The following CTBP1 variants were observed in gnomAD, a reference collection of about 807,000 sequenced individuals.
The protein encoded by CTBP1 is C-terminal binding protein 1.
A neutral mutation model predicts 42.1 loss-of-function variants in CTBP1; 11 were observed. That is an observed-to-expected ratio of 0.26 (90% CI 0.16 to 0.43). CTBP1 has a LOEUF of 0.43. CTBP1 is among the 20% of genes least tolerant of loss of function. The pLI, the probability that CTBP1 is intolerant of heterozygous loss-of-function variation, is 1.00. For synonymous variants in CTBP1, 324 were observed against 277.1 expected (o/e 1.17, Z -1.68); for missense variants, 399 against 624.3 (o/e 0.64, Z 3.85).
chr4:1,249,784 C>G, upstream of CTBP1: 1 of 286,094 alleles, frequency 3.5e-6, no homozygotes, highest in South Asian at 2.4e-5. Flanking sequence ...TGGAGAACCC[C>G]TTCCCCGACC....
chr4:1,216,447 G>A, intron 5 of CTBP1: 1 of 591,314 alleles, frequency 1.7e-6, no homozygotes, highest in Non-Finnish European at 3.0e-6. Context: ...TAGCCCCTCG[G>A]CCCACACCAG....
intron 1 of CTBP1, 146 bp downstream of exon 1, chr4:1,248,770 C>A: frequency 1.1e-5 from 11 of 971,374 alleles, no homozygotes; most frequent in Non-Finnish European, 1.3e-5. Context: ...CGGCCACGCG[C>A]GGACGCCGGC....
intron 3 of CTBP1, among the ~76,000 whole-genome samples, chr4:1,232,547 A>G (rs972534106): frequency 6.6e-6 from 1 of 152,096 alleles, no homozygotes; most frequent in Non-Finnish European, 1.5e-5. Context: ...CCTGACCTCA[A>G]GTGATCCACC....
At position 1,213,016 on chromosome 4, in the gene CTBP1, T is replaced by C; in HGVS notation, c.1003A>G (p.Ser335Gly). Residue 335 changes from serine (S) to glycine (G), a missense_variant, in exon 9 of 10, where the codon AGC (serine) becomes GGC (glycine). Transcript: ENST00000382952. ...TCCTTGTTGACACAGTTCTTCAGGC[T>C]GTCTGGGATCCGGCCTGGGAGATGC... ...RRAITGRIPD[S>G]LKNCVNKDHL... 6.2e-7 allele frequency: 1 copy of C among 1,613,864 alleles called. No individual in the cohort carries two copies. Among genetic ancestry groups the C allele is most frequent in the Non-Finnish European group, 8.5e-7 (1 of 1,179,926 alleles).
At chr4:1,214,517 C>G in intron 6 of CTBP1, 44 bp from the exon 7 acceptor site, 20 of 1,518,938 alleles carry the variant, frequency 1.3e-5, no homozygotes, top group Non-Finnish European at 1.7e-5. Context: ...GGGATCCGCA[C>G]AGGGCGGGCA....
chr4:1,223,873 T>C (rs1730018575), intron 5 of CTBP1, among the ~76,000 whole-genome samples: 1 of 152,208 alleles, frequency 6.6e-6, no homozygotes, highest in Non-Finnish European at 1.5e-5. Context: ...AACCTGGGCC[T>C]GGCTGTGTGG....
intron 2 of CTBP1, among the ~76,000 whole-genome samples, chr4:1,239,341 G>A (rs533054195): frequency 5.3e-5 from 8 of 152,280 alleles, no homozygotes; most frequent in Admixed American, 2.0e-4. Context: ...GGGCCCAGCC[G>A]GTCCCTCCCC....
intron 5 of CTBP1, among the ~76,000 whole-genome samples, chr4:1,218,788 C>G (rs1577025086): frequency 6.6e-6 from 1 of 152,056 alleles, no homozygotes; most frequent in East Asian, 1.9e-4. Context: ...AACACGATCA[C>G]TAAGCAGAGT....
rs113389921 is a variant in CTBP1, at chr4:1,216,655, G to C, written c.515-450C>G. The C allele has an allele frequency of 1.8e-3, 398 of 225,718 alleles. 1 individual carries two copies. Among genetic ancestry groups the C allele is most frequent in the African/African-American group, 8.5e-3 (376 of 44,240 alleles). The allele number at this position is 225,718 out of a possible 1,614,324, so 14.0% of individuals were successfully genotyped here. On this transcript the variant is annotated intron_variant, in intron 5 of 9. Coordinates refer to ENST00000382952, the MANE Select transcript of CTBP1 (RefSeq NM_001012614.2). ...CCACCACTACGTGGAGACGGCAAAG[G>C]GGGCAGGAGGGAAACTTCCAGACCA...
rs764296831 is a variant in CTBP1, at chr4:1,235,144, C to G, written c.162+3039G>C. 1 of 152,208 alleles carries G rather than the reference C, an allele frequency of 6.6e-6. No homozygotes were observed. The highest frequency in any genetic ancestry group is 1.5e-5 in the Non-Finnish European group (1 of 68,050). The allele number at this position is 152,208 out of a possible 1,614,324, so 9.4% of individuals were successfully genotyped here. A position where few individuals can be genotyped will look rare whatever the true frequency, so the allele number is the denominator to read the frequency against. ...GCCTGGCCACTCACCCACTGAAGGACAGCCGGTGGGGGGCGTCCTTCTGGT... is the reference window on the plus strand; with the variant it reads ...GCCTGGCCACTCACCCACTGAAGGAGAGCCGGTGGGGGGCGTCCTTCTGGT... On this transcript the variant is annotated intron_variant, in intron 3 of 9. Coordinates refer to ENST00000382952, the MANE Select transcript of CTBP1 (RefSeq NM_001012614.2). The surrounding 1 kb of genome is among the most constrained non-coding windows in gnomAD (Gnocchi z 4.2).
At chr4:1,213,914 G>T (rs1487810259) in intron 7 of CTBP1, 2 of 438,420 alleles carry the variant, frequency 4.6e-6, no homozygotes, top group African/African-American at 4.1e-5. Flanking sequence ...GTAGCCCCAG[G>T]AGCTGCAGGC....
intron 1 of CTBP1, chr4:1,244,660 C>A: frequency 2.0e-6 from 2 of 985,422 alleles, no homozygotes; most frequent in Non-Finnish European, 2.4e-6. Flanking sequence ...CCCCGACCAC[C>A]AGAAGGGCAC....
Position 1,230,736 on chromosome 4 carries a change from G to T in CTBP1, c.163-2393C>A, listed in dbSNP as rs1201160611. On this transcript the variant is annotated intron_variant, in intron 3 of 9. Coordinates refer to ENST00000382952, the MANE Select transcript of CTBP1 (RefSeq NM_001012614.2). ...CGTCACCTCCCGCACATTCGGAGGA[G>T]ACAGCGATCAGATTCACGTGAATAT... 3.3e-5 allele frequency among the ~76,000 whole-genome samples: 5 copies of T among 152,384 alleles called. 1 individual carries two copies. The South Asian group carries it at 1.0e-3, about 32-fold the overall frequency.
At chr4:1,230,323 G>A (rs1730833676) in intron 3 of CTBP1, among the ~76,000 whole-genome samples, 1 of 152,238 alleles carries the variant, frequency 6.6e-6, no homozygotes, top group Admixed American at 6.5e-5. Flanking sequence ...CCCCTGCGCT[G>A]CGTGGACTGG....
In CTBP1 at chr4:1,225,342, G is replaced by A; in HGVS notation, c.514+18C>T. 1.3e-6 allele frequency: 2 copies of A among 1,537,072 alleles called. No individual in the cohort carries two copies. Among genetic ancestry groups the A allele is most frequent in the Non-Finnish European group, 1.7e-6 (2 of 1,146,058 alleles). On this transcript the variant is annotated intron_variant, in intron 5 of 9. Transcript: ENST00000382952. ...AGACACAGGGAGGGACACAGGCGTGGAGCTGCGGCCGACGCACCAAGTCCG... is the reference window on the plus strand; with the variant it reads ...AGACACAGGGAGGGACACAGGCGTGAAGCTGCGGCCGACGCACCAAGTCCG...
chr4:1,227,929 G>A (rs61010940), intron 4 of CTBP1, among the ~76,000 whole-genome samples: 9,260 of 152,276 alleles, frequency 0.061, 478 homozygotes, highest in East Asian at 0.21. Context: ...CAAGCAAGGG[G>A]CACCAGCCAG....
rs139651404 is a variant in CTBP1, at chr4:1,212,794, A to C, written c.1106+119T>G. 5.7e-3 allele frequency: 4,902 copies of C among 862,196 alleles called. 28 individuals are homozygous for C. The highest frequency in any genetic ancestry group is 8.5e-3 in the Middle Eastern group (25 of 2,948). 53.4% of individuals were successfully genotyped at this position (862,196 alleles called of 1,614,324 possible). On this transcript the variant is annotated intron_variant, in intron 9 of 9. Transcript: ENST00000382952. ...AGGTGAGGTTGGCCTTACCAATTCT[A>C]CCCAGATCCTCCAGGTCAGTCAGTG...
At chr4:1,215,678 C>T (rs1038934947) in intron 6 of CTBP1, 16 of 419,744 alleles carry the variant, frequency 3.8e-5, no homozygotes, top group South Asian at 1.0e-4. Context: ...AAGGGCCGAC[C>T]CAACGCCCCC....
intron 3 of CTBP1, among the ~76,000 whole-genome samples, chr4:1,229,851 G>A (rs975110586): frequency 6.6e-6 from 1 of 152,198 alleles, no homozygotes; most frequent in South Asian, 2.1e-4. Context: ...CCACCGCAGG[G>A]GACCTAGAGG....
Sources: gnomAD v4.1 joint callset for allele counts (sites outside exome capture counted in the v4.1 genomes callset) on GRCh38, gnomAD v4.1.1 for gene constraint, Gnocchi (gnomAD v3.1) non-coding constraint, MANE v1.5 for transcripts, NCBI Gene and HGNC (gene_info 2026-07-23, HGNC 2026-07-21) for gene names.